Variants in CCDC102B observed in about 807,000 individuals in gnomAD.
CCDC102B encodes the protein coiled-coil domain containing 102B, also known as coiled-coil domain-containing protein 102B.
Under a neutral mutation model 57.4 loss-of-function variants are expected in CCDC102B, and 75 were observed. The observed-to-expected ratio is 1.31, with a 90% CI of 1.08 to 1.58. The LOEUF is 1.58. Among genes scored for constraint, CCDC102B ranks in the 40% most tolerant of loss-of-function variants. CCDC102B has a pLI of 0.00. For synonymous variants in CCDC102B, 206 were observed against 201.9 expected (o/e 1.02, Z -0.17); for missense variants, 636 against 582.6 (o/e 1.09, Z -0.94).
intron 2 of CCDC102B, among the ~76,000 whole-genome samples, chr18:68,718,643 T>A (rs2032158394): frequency 6.6e-6 from 1 of 152,168 alleles, no homozygotes; most frequent in Admixed American, 6.5e-5. Flanking sequence ...GCTACATACA[T>A]TTATGTTTTT....
At chr18:68,718,277 T>C (rs920424805) in intron 2 of CCDC102B, 1 of 152,186 alleles carries the variant, frequency 6.6e-6, no homozygotes, top group East Asian at 1.9e-4. Context: ...TCTAATAGTA[T>C]AATAGAGTAG....
intron 4 of CCDC102B, among the ~76,000 whole-genome samples, chr18:68,854,890 G>T (rs868377166): frequency 1.3e-5 from 2 of 152,098 alleles, no homozygotes; most frequent in South Asian, 4.1e-4. Flanking sequence ...TATATAAGTG[G>T]CTTTTGCTGC....
chr18:68,859,956 A>G (rs75728683), intron 4 of CCDC102B, among the ~76,000 whole-genome samples: 14,218 of 83,158 alleles, frequency 0.17, 1,622 homozygotes, highest in Non-Finnish European at 0.22. Flanking sequence ...TACTGGGTAT[A>G]TACCCAAATG....
intron 4 of CCDC102B, among the ~76,000 whole-genome samples, chr18:68,847,493 T>G (rs1465310883): frequency 1.3e-5 from 2 of 151,948 alleles, no homozygotes; most frequent in African/African-American, 4.8e-5. Flanking sequence ...CCTCTTAGTT[T>G]CATAAACCTT....
rs760607330 is a variant in CCDC102B, at chr18:68,874,778, G to A, written c.1046G>A (p.Arg349Lys). 2.5e-6 allele frequency: 4 copies of A among 1,585,424 alleles called. No homozygotes were observed. In the Admixed American group the frequency reaches 5.0e-5, roughly 20 times the overall value. The change falls in exon 5 of 8, where the codon AGA (arginine) becomes AAA (lysine). Residue 349 changes from arginine to lysine, a missense_variant. By Grantham distance (26) the Arg-to-Lys change is conservative. Coordinates refer to ENST00000360242, the MANE Select transcript of CCDC102B (RefSeq NM_024781.3). ...AAAGACAGAGTGATTTGTGAGTTAA[G>A]AGCAGAGGTAAGACACTGGGTAAAG... Reference protein sequence around the residue: ...NSKDRVICELRAELERLQAEN... With the variant: ...NSKDRVICELKAELERLQAEN...
At chr18:69,033,472 A>C (rs1216114186) in intron 7 of CCDC102B, among the ~76,000 whole-genome samples, 1 of 152,110 alleles carries the variant, frequency 6.6e-6, no homozygotes, top group Non-Finnish European at 1.5e-5. Context: ...GTTCTTGCCA[A>C]CTGTGAATCT....
At chr18:68,816,129 C>G (rs1462961939) in intron 1 of CCDC102B, among the ~76,000 whole-genome samples, 1 of 152,140 alleles carries the variant, frequency 6.6e-6, no homozygotes, top group Admixed American at 6.5e-5. Context: ...TGATAATACC[C>G]TCTACCTTCA....
intron 4 of CCDC102B, among the ~76,000 whole-genome samples, chr18:68,865,236 A>G (rs1036230996): frequency 1.3e-5 from 2 of 152,062 alleles, no homozygotes; most frequent in African/African-American, 4.8e-5. Context: ...CAGGGTTCTC[A>G]TATTCTCACT....
At chr18:68,854,171 G>A (rs113276164) in intron 4 of CCDC102B, among the ~76,000 whole-genome samples, 4,453 of 151,224 alleles carry the variant, frequency 0.029, 97 homozygotes, top group East Asian at 0.048. Context: ...CGCGATCTCC[G>A]CTCACTTCAA....
chr18:68,812,526 G>A (rs1336324576), intron 1 of CCDC102B, among the ~76,000 whole-genome samples: 1 of 152,166 alleles, frequency 6.6e-6, no homozygotes, highest in African/African-American at 2.4e-5. Flanking sequence ...CAACATAGCA[G>A]ATCTGAATAG....
rs187731980 is a variant in CCDC102B at position 68,783,321 on chromosome 18, A to C, written c.-66-40045A>C. Among the ~76,000 whole-genome samples, 7 of 152,210 alleles carry C rather than the reference A, an allele frequency of 4.6e-5. No individual in the cohort carries two copies. In the East Asian group the frequency reaches 1.4e-3, roughly 29 times the overall value. Reference sequence around the variant, plus strand: ...TCCTTTATTTTTTAGTGCTTGTTGCAGTCTTGAAGTTTCCTAAAACTTTGT... The same window carrying C: ...TCCTTTATTTTTTAGTGCTTGTTGCCGTCTTGAAGTTTCCTAAAACTTTGT... On this transcript the variant is annotated intron_variant, in intron 2 of 3. Coordinates refer to the CCDC102B transcript ENST00000578970.
chr18:68,884,902 A>G (rs1247349050), intron 5 of CCDC102B, among the ~76,000 whole-genome samples: 1 of 151,866 alleles, frequency 6.6e-6, no homozygotes, highest in Non-Finnish European at 1.5e-5. Flanking sequence ...AAAATAGGTA[A>G]CTATGTGAGG....
At chr18:68,935,670 G>T (rs185347009) in intron 6 of CCDC102B, among the ~76,000 whole-genome samples, 9 of 151,898 alleles carry the variant, frequency 5.9e-5, no homozygotes, top group African/African-American at 2.2e-4. Context: ...CGAATTGATA[G>T]AAAAGCAACC....
At chr18:69,056,960 A>G (rs768973434), downstream of CCDC102B, among the ~76,000 whole-genome samples, 2 of 152,054 alleles carry the variant, frequency 1.3e-5, no homozygotes, top group Non-Finnish European at 2.9e-5. Context: ...TAGATACCTC[A>G]TATAAATGGA....
At chr18:68,841,286 A>G (rs2037618240) in intron 3 of CCDC102B, among the ~76,000 whole-genome samples, 1 of 152,184 alleles carries the variant, frequency 6.6e-6, no homozygotes, top group African/African-American at 2.4e-5. Flanking sequence ...AAATCAACTC[A>G]GAAAACTCAG....
chr18:68,956,566 TATATTTTA>T, intron 6 of CCDC102B, among the ~76,000 whole-genome samples: 1 of 6,666 alleles, frequency 1.5e-4, no homozygotes, highest in Admixed American at 3.0e-3. Flanking sequence ...ATATATATTA[TATATTTTA>T]TATATATAAA....
chr18:69,038,082 C>T (rs1354905746), intron 7 of CCDC102B, among the ~76,000 whole-genome samples: 1 of 151,860 alleles, frequency 6.6e-6, no homozygotes, highest in African/African-American at 2.4e-5. Flanking sequence ...TCACAGCCAC[C>T]TCTATCACTA....
At chr18:68,983,734 T>C (rs1409324639) in intron 6 of CCDC102B, among the ~76,000 whole-genome samples, 3 of 152,200 alleles carry the variant, frequency 2.0e-5, no homozygotes, top group African/African-American at 7.2e-5. Context: ...TTTTTCACTG[T>C]ATTTTTTAGC....
chr18:68,916,978 G>A (rs1432544803), intron 6 of CCDC102B, among the ~76,000 whole-genome samples: 1 of 152,100 alleles, frequency 6.6e-6, no homozygotes, highest in African/African-American at 2.4e-5. Flanking sequence ...AGAGGTGCAG[G>A]CCCCAGCAGG....
Sources: gnomAD v4.1 joint callset for allele counts (sites outside exome capture counted in the v4.1 genomes callset) on GRCh38, gnomAD v4.1.1 for gene constraint, MANE v1.5 for transcripts, NCBI Gene and HGNC (gene_info 2026-07-23, HGNC 2026-07-21) for gene names.